CNOT6: variants seen among roughly 807,000 people sequenced by gnomAD.
CNOT6 encodes the protein carbon catabolite repression 4 protein.
CNOT6 carries 12 observed loss-of-function variants against 61.2 expected under a neutral mutation model. The observed-to-expected ratio is 0.20, with a 90% CI of 0.13 to 0.32. The LOEUF (loss-of-function observed/expected upper bound fraction) is 0.32. Among genes scored for constraint, CNOT6 ranks in the 10% least tolerant of loss-of-function variants. CNOT6 has a pLI of 1.00. For synonymous variants in CNOT6, 225 were observed against 240.6 expected, an observed-to-expected ratio of 0.94 and a Z score of 0.60; for missense variants, 405 against 663.9, an observed-to-expected ratio of 0.61 and a Z score of 4.28.
At position 180,575,186 on chromosome 5, in the gene CNOT6, A is replaced by G. The variant is rs1760951977; in HGVS notation, c.*986A>G. The G allele has an allele frequency of 6.6e-6, 1 of 152,656 alleles. No individual in the cohort carries two copies. The highest frequency in any genetic ancestry group is 2.4e-5 in the African/African-American group (1 of 41,460). The allele number at this position is 152,656 out of a possible 1,614,324, so 9.5% of individuals were successfully genotyped here. On this transcript the variant is annotated 3_prime_UTR_variant, in exon 12 of 12. Coordinates refer to ENST00000261951, the MANE Select transcript of CNOT6 (RefSeq NM_001370472.1). Reference sequence around the variant, plus strand: ...CAAGCACTGCCTGTGCATGCAGAGAAAATCTGTGCATCCTCTTTTATATTT... The same window carrying G: ...CAAGCACTGCCTGTGCATGCAGAGAGAATCTGTGCATCCTCTTTTATATTT...
intron 4 of CNOT6, among the ~76,000 whole-genome samples, chr5:180,561,142 G>A (rs987375029): frequency 3.3e-5 from 5 of 152,094 alleles, no homozygotes; most frequent in African/African-American, 1.2e-4. Context: ...TTGTAGAGAC[G>A]AGATTTTGCC....
intron 3 of CNOT6, 129 bp from the exon 4 acceptor site, chr5:180,553,257 C>G (rs1047203550): frequency 6.0e-6 from 3 of 500,674 alleles, no homozygotes; most frequent in African/African-American, 5.8e-5. Context: ...AAACGCAGTA[C>G]TAGACATTGA....
intron 2 of CNOT6, among the ~76,000 whole-genome samples, chr5:180,537,132 A>G (rs752536086): frequency 1.3e-5 from 2 of 152,246 alleles, no homozygotes; most frequent in Non-Finnish European, 2.9e-5. Context: ...TTCTTTGTGT[A>G]GACATTAAGT....
intron 1 of CNOT6, among the ~76,000 whole-genome samples, chr5:180,515,701 T>G (rs1334405891): frequency 1.3e-5 from 2 of 152,054 alleles, no homozygotes; most frequent in African/African-American, 2.4e-5. Flanking sequence ...TAACTTACAG[T>G]AGCTCTAAGG....
chr5:180,529,055 A>C (rs1296962073), intron 1 of CNOT6, among the ~76,000 whole-genome samples: 1 of 152,086 alleles, frequency 6.6e-6, no homozygotes, highest in Non-Finnish European at 1.5e-5. Context: ...TTAAAAATAC[A>C]AAAATGAGCC....
chr5:180,564,547 G>T lies in CNOT6; in HGVS notation c.444G>T (p.Arg148=). The change falls in exon 5 of 12, where the codon CGG becomes CGT. Residue 148 remains arginine, a synonymous_variant. Transcript: ENST00000261951. ...NLYQEPDGTR[R]LLNYLLDNLS... ...ATCAGGAACCAGATGGAACAAGACG[G>T]CTGCTGAACTATTTGCTTGATAATT... 1 of 1,613,992 alleles carries T rather than the reference G, an allele frequency of 6.2e-7. No individual in the cohort carries two copies. Among genetic ancestry groups the T allele is most frequent in the Non-Finnish European group, 8.5e-7 (1 of 1,179,934 alleles).
intron 1 of CNOT6, among the ~76,000 whole-genome samples, chr5:180,503,229 C>T (rs1221867785): frequency 6.7e-6 from 1 of 150,138 alleles, no homozygotes; most frequent in Non-Finnish European, 1.5e-5. Context: ...CAAGCCAGGA[C>T]TTGATGCAGG....
intron 2 of CNOT6, among the ~76,000 whole-genome samples, chr5:180,535,320 C>G (rs150574285): frequency 7.2e-5 from 11 of 152,258 alleles, no homozygotes; most frequent in Non-Finnish European, 1.6e-4. Flanking sequence ...TTTCGCCCTC[C>G]CGTGTTTTGG....
At chr5:180,542,576 T>G (rs1431098342) in intron 2 of CNOT6, among the ~76,000 whole-genome samples, 1 of 152,224 alleles carries the variant, frequency 6.6e-6, no homozygotes, top group Non-Finnish European at 1.5e-5. Context: ...CTTGTTAGTT[T>G]TTTTCTATAT....
chr5:180,552,436 T>C (rs1318900208), intron 3 of CNOT6, among the ~76,000 whole-genome samples: 1 of 151,402 alleles, frequency 6.6e-6, no homozygotes, highest in East Asian at 2.0e-4. Flanking sequence ...AGTCTGGAGA[T>C]CGAGACCATC....
intron 1 of CNOT6, among the ~76,000 whole-genome samples, chr5:180,528,617 T>G (rs980310574): frequency 7.2e-5 from 11 of 152,076 alleles, no homozygotes; most frequent in Non-Finnish European, 1.6e-4. Context: ...GCCTGGCCGA[T>G]TCTTTTATTT....
intron 2 of CNOT6, among the ~76,000 whole-genome samples, chr5:180,542,690 A>T (rs1759106637): frequency 6.6e-6 from 1 of 152,178 alleles, no homozygotes; most frequent in Non-Finnish European, 1.5e-5. Flanking sequence ...ACATAAATTG[A>T]TTTCTCTTGT....
At chr5:180,513,608 G>A (rs1474646977) in intron 1 of CNOT6, among the ~76,000 whole-genome samples, 4 of 151,524 alleles carry the variant, frequency 2.6e-5, no homozygotes, top group African/African-American at 7.3e-5. Flanking sequence ...TCCTGACCTC[G>A]TGATCTACCC....
At chr5:180,565,721 T>C in intron 6 of CNOT6, 99 bp from the exon 7 acceptor site, 9 of 1,145,902 alleles carry the variant, frequency 7.9e-6, no homozygotes, top group Non-Finnish European at 1.1e-5. Context: ...ATTGAATGAA[T>C]ACGGTCAAAC....
chr5:180,551,601 T>C (rs1759605847), intron 3 of CNOT6, among the ~76,000 whole-genome samples: 1 of 152,306 alleles, frequency 6.6e-6, no homozygotes, highest in African/African-American at 2.4e-5. Flanking sequence ...CAAGTTAATA[T>C]AAAGCTAAAT....
chr5:180,521,082 G>A (rs1035892916), intron 1 of CNOT6, among the ~76,000 whole-genome samples: 8 of 152,046 alleles, frequency 5.3e-5, no homozygotes, highest in Admixed American at 1.3e-4. Flanking sequence ...CAGACAGTCC[G>A]CCTGCCTTGG....
intron 1 of CNOT6, among the ~76,000 whole-genome samples, chr5:180,520,207 A>G (rs1757821093): frequency 6.6e-6 from 1 of 152,242 alleles, no homozygotes; most frequent in Admixed American, 6.5e-5. Flanking sequence ...ATGAACAACT[A>G]TATTGTCAAC....
rs1282437191 is a variant in CNOT6 at position 180,574,234 on chromosome 5, T to C, written c.*34T>C. On this transcript the variant is annotated 3_prime_UTR_variant, in exon 12 of 12. Transcript: ENST00000261951. ...CTTCAGAGGACAGCCTTGATTCACT[T>C]GTAAACTTGTGAAAATCTGAACATA... 1 of 1,555,252 alleles carries C rather than the reference T, an allele frequency of 6.4e-7. No homozygotes were observed. Among genetic ancestry groups the C allele is most frequent in the South Asian group, 1.1e-5 (1 of 89,724 alleles).
chr5:180,542,358 G>T (rs1759092850), intron 2 of CNOT6, among the ~76,000 whole-genome samples: 1 of 151,668 alleles, frequency 6.6e-6, no homozygotes, highest in Non-Finnish European at 1.5e-5. Context: ...TCTGCCTCCT[G>T]GGTTCACACC....
Sources: gnomAD v4.1 joint callset for allele counts (sites outside exome capture counted in the v4.1 genomes callset) on GRCh38, gnomAD v4.1.1 for gene constraint, MANE v1.5 for transcripts, NCBI Gene and HGNC (gene_info 2026-07-23, HGNC 2026-07-21) for gene names.